Variants in CACNA1E observed in about 807,000 individuals in gnomAD.
CACNA1E encodes the protein voltage-dependent R-type calcium channel subunit alpha-1E.
A neutral mutation model predicts 259.2 loss-of-function variants in CACNA1E; 40 were observed. The ratio of observed to expected loss-of-function variants is 0.15; its 90% CI spans 0.12 to 0.20. The LOEUF is 0.20. Ranked by LOEUF, CACNA1E falls within the 10% of genes least tolerant of loss-of-function variation. The probability of loss-of-function intolerance (pLI) is 1.00; values close to 1 mark genes in which losing one functional copy is unlikely to be tolerated. For missense variants in CACNA1E, 1,874 were observed against 3,040.1 expected, an observed-to-expected ratio of 0.62 and a Z score of 9.02; for synonymous variants, 1,104 against 1,138.5, an observed-to-expected ratio of 0.97 and a Z score of 0.61.
chr1:181,664,391 A>T (rs928385574), intron 7 of CACNA1E, among the ~76,000 whole-genome samples: 10 of 152,280 alleles, frequency 6.6e-5, no homozygotes, highest in East Asian at 1.9e-4. Context: ...GGGATTCAAA[A>T]ATCCCTGCCT....
chr1:181,364,096 C>T (rs1482196426), intron 1 of CACNA1E, among the ~76,000 whole-genome samples: 2 of 152,200 alleles, frequency 1.3e-5, no homozygotes, highest in African/African-American at 4.8e-5. Context: ...TTTGTAATGG[C>T]TGTTCCAGAT....
chr1:181,782,178 A>G (rs1353016593), intron 39 of CACNA1E, among the ~76,000 whole-genome samples: 1 of 152,250 alleles, frequency 6.6e-6, no homozygotes, highest in African/African-American at 2.4e-5. Context: ...TCTTGGAAAT[A>G]CTCAAAAGGA....
intron 3 of CACNA1E, among the ~76,000 whole-genome samples, chr1:181,573,189 A>C (rs1650591502): frequency 6.6e-6 from 1 of 152,212 alleles, no homozygotes; most frequent in Non-Finnish European, 1.5e-5. Flanking sequence ...ATTTAATGAC[A>C]TACCACTTGA....
At chr1:181,596,431 C>T (rs1192292670) in intron 6 of CACNA1E, among the ~76,000 whole-genome samples, 3 of 152,204 alleles carry the variant, frequency 2.0e-5, no homozygotes, top group African/African-American at 4.8e-5. Context: ...CTGCGTCGGA[C>T]TTGTGCAGCC....
At chr1:181,668,660 A>C (rs1429078437) in intron 7 of CACNA1E, 1 of 152,210 alleles carries the variant, frequency 6.6e-6, no homozygotes, top group Non-Finnish European at 1.5e-5. Flanking sequence ...GTGGGCTTAG[A>C]AAATTAAATA....
intron 22 of CACNA1E, among the ~76,000 whole-genome samples, chr1:181,736,977 G>A (rs1656101761): frequency 6.6e-6 from 1 of 152,208 alleles, no homozygotes; most frequent in African/African-American, 2.4e-5. Flanking sequence ...TTTGGGAAGA[G>A]CGTTCCAGCA....
At chr1:181,782,478 T>C (rs952028429) in intron 39 of CACNA1E, among the ~76,000 whole-genome samples, 1 of 152,250 alleles carries the variant, frequency 6.6e-6, no homozygotes, top group Non-Finnish European at 1.5e-5. Context: ...ATGTTTCCAC[T>C]TCTCTAGATG....
Position 181,799,824 on chromosome 1 carries a change from A to C in CACNA1E, c.*990A>C, listed in dbSNP as rs955727373. 2.0e-5 allele frequency: 3 copies of C among 152,026 alleles called. No individual in the cohort carries two copies. Among genetic ancestry groups the C allele is most frequent in the Admixed American group, 6.5e-5 (1 of 15,272 alleles). 9.4% of individuals were successfully genotyped at this position (152,026 alleles called of 1,614,324 possible). ...AGAGATTAAAAACAGTCTGTTTTCCAACCAGTGTGGAAGCAATTAAATATG... is the reference window on the plus strand; with the variant it reads ...AGAGATTAAAAACAGTCTGTTTTCCCACCAGTGTGGAAGCAATTAAATATG... On this transcript the variant is annotated 3_prime_UTR_variant, in exon 48 of 48. Coordinates refer to ENST00000367573, the MANE Select transcript of CACNA1E (RefSeq NM_001205293.3).
At chr1:181,715,251 G>C (rs1214946966) in intron 8 of CACNA1E, 87 bp from the exon 9 acceptor site, 1 of 788,686 alleles carries the variant, frequency 1.3e-6, no homozygotes, top group African/African-American at 1.7e-5. Flanking sequence ...CTGTTGCCCT[G>C]AGCTGAAGTT....
intron 6 of CACNA1E, among the ~76,000 whole-genome samples, chr1:181,641,696 A>ATTTTTTTTTT (rs1369217611): frequency 1.9e-5 from 2 of 104,078 alleles, no homozygotes; most frequent in African/African-American, 4.0e-5. Flanking sequence ...GGCAACACTA[A>ATTTTTTTTTT]TTTTTTGTTT....
intron 3 of CACNA1E, among the ~76,000 whole-genome samples, chr1:181,552,985 C>A (rs1000896896): frequency 6.6e-6 from 1 of 152,256 alleles, no homozygotes; most frequent in African/African-American, 2.4e-5. Flanking sequence ...TATACAGGGT[C>A]TTCTTTAATT....
intron 23 of CACNA1E, among the ~76,000 whole-genome samples, chr1:181,737,973 G>A (rs1188268740): frequency 6.6e-6 from 1 of 152,250 alleles, no homozygotes; most frequent in Non-Finnish European, 1.5e-5. Context: ...ACCACAGGGG[G>A]CCAAGGCCTC....
chr1:181,633,492 A>G (rs1297382585), intron 6 of CACNA1E, among the ~76,000 whole-genome samples: 1 of 151,876 alleles, frequency 6.6e-6, no homozygotes, highest in Non-Finnish European at 1.5e-5. Flanking sequence ...CTGTCAGACT[A>G]CACTTTTTTA....
chr1:181,381,040 T>C (rs1655424001), intron 1 of CACNA1E, among the ~76,000 whole-genome samples: 1 of 151,838 alleles, frequency 6.6e-6, no homozygotes, highest in Non-Finnish European at 1.5e-5. Flanking sequence ...GTGATGGGCA[T>C]CTGTAATCCC....
At chr1:181,512,336 G>A (rs1051501205) in intron 3 of CACNA1E, among the ~76,000 whole-genome samples, 3 of 152,140 alleles carry the variant, frequency 2.0e-5, no homozygotes, top group Non-Finnish European at 4.4e-5. Context: ...ACTGAGGAGT[G>A]GTCCTGTGTG....
At chr1:181,750,705 A>G (rs938399324) in intron 26 of CACNA1E, among the ~76,000 whole-genome samples, 1 of 152,140 alleles carries the variant, frequency 6.6e-6, no homozygotes, top group African/African-American at 2.4e-5. Context: ...TGCCTCTTTT[A>G]GGTATGTAGA....
chr1:181,733,295 C>A, intron 20 of CACNA1E, 142 bp from the exon 21 acceptor site: 2 of 810,540 alleles, frequency 2.5e-6, no homozygotes, highest in Middle Eastern at 3.7e-4. Context: ...CACCTCTCTG[C>A]CTGTCTGGTT....
chr1:181,355,110 T>G (rs1653323295), intron 1 of CACNA1E, among the ~76,000 whole-genome samples: 1 of 152,192 alleles, frequency 6.6e-6, no homozygotes, highest in East Asian at 1.9e-4. Flanking sequence ...CCCAGTGGGC[T>G]GCCTAAGCCA....
intron 3 of CACNA1E, among the ~76,000 whole-genome samples, chr1:181,549,296 G>A (rs532573502): frequency 2.0e-5 from 3 of 152,318 alleles, no homozygotes; most frequent in South Asian, 4.1e-4. Context: ...GGCTTTGAGG[G>A]CATTAAGAAA....
Sources: gnomAD v4.1 joint callset for allele counts (sites outside exome capture counted in the v4.1 genomes callset) on GRCh38, gnomAD v4.1.1 for gene constraint, MANE v1.5 for transcripts, NCBI Gene and HGNC (gene_info 2026-07-23, HGNC 2026-07-21) for gene names.